Variants in NRXN3 observed in about 807,000 individuals in gnomAD.
NRXN3 encodes neurexin III.
NRXN3 carries 32 observed loss-of-function variants against 137.6 expected under a neutral mutation model. The observed-to-expected ratio is 0.23, with a 90% CI of 0.18 to 0.31. The LOEUF is 0.31. Among genes scored for constraint, NRXN3 ranks in the 10% least tolerant of loss-of-function variants. The probability of loss-of-function intolerance (pLI) is 1.00; values close to 1 mark genes in which losing one functional copy is unlikely to be tolerated. For synonymous variants in NRXN3, 798 were observed against 784.5 expected (o/e 1.02, Z -0.29); for missense variants, 1,574 against 2,062.5 (o/e 0.76, Z 4.59).
intron 16 of NRXN3, among the ~76,000 whole-genome samples, chr14:79,547,794 G>A (rs1010470741): frequency 6.6e-6 from 1 of 152,178 alleles, no homozygotes; most frequent in Non-Finnish European, 1.5e-5. Context: ...ACAGAGACAT[G>A]TATTCAACAC....
intron 19 of NRXN3, among the ~76,000 whole-genome samples, chr14:79,791,500 A>G (rs1424448958): frequency 7.0e-6 from 1 of 142,422 alleles, no homozygotes; most frequent in Non-Finnish European, 1.5e-5. Flanking sequence ...AATTAATTAT[A>G]TATTGTAATT....
At chr14:79,454,804 A>T (rs553158319) in intron 15 of NRXN3, among the ~76,000 whole-genome samples, 1 of 152,190 alleles carries the variant, frequency 6.6e-6, no homozygotes, top group African/African-American at 2.4e-5. Flanking sequence ...CTTAAAAAAA[A>T]TCCTGAGTAA....
At chr14:79,319,447 G>T (rs1397230241) in intron 15 of NRXN3, among the ~76,000 whole-genome samples, 1 of 152,186 alleles carries the variant, frequency 6.6e-6, no homozygotes, top group Non-Finnish European at 1.5e-5. Context: ...GAAAAGCTCA[G>T]GCTCTTGGAG....
At chr14:78,552,169 A>G (rs367681851) in intron 4 of NRXN3, among the ~76,000 whole-genome samples, 33 of 152,352 alleles carry the variant, frequency 2.2e-4, no homozygotes, top group African/African-American at 7.2e-4. Flanking sequence ...GCTGTGTGCT[A>G]TTAAAACTTC....
At chr14:79,358,891 T>A (rs889873561) in intron 15 of NRXN3, among the ~76,000 whole-genome samples, 3 of 152,202 alleles carry the variant, frequency 2.0e-5, no homozygotes, top group African/African-American at 7.2e-5. Flanking sequence ...AAAAATTATG[T>A]TGTTAATTTC....
At chr14:78,368,647 A>T (rs941347866) in intron 4 of NRXN3, among the ~76,000 whole-genome samples, 9 of 152,206 alleles carry the variant, frequency 5.9e-5, no homozygotes, top group African/African-American at 2.2e-4. Context: ...GTGAGCTGAG[A>T]TCACACCATT....
chr14:78,991,259 A>G (rs2099518261), intron 15 of NRXN3, among the ~76,000 whole-genome samples: 2 of 152,264 alleles, frequency 1.3e-5, no homozygotes, highest in Admixed American at 1.3e-4. Context: ...CATGCCTGCC[A>G]CAAGTGGCCT....
intron 19 of NRXN3, among the ~76,000 whole-genome samples, chr14:79,704,863 G>T (rs1280100061): frequency 6.6e-6 from 1 of 152,174 alleles, no homozygotes; most frequent in African/African-American, 2.4e-5. Flanking sequence ...AACAACAACA[G>T]AAAAGGGAGC....
chr14:79,358,603 GAAAGAGAA>G (rs1299583014), intron 15 of NRXN3, among the ~76,000 whole-genome samples: 109 of 87,072 alleles, frequency 1.3e-3, no homozygotes, highest in African/African-American at 3.6e-3. Context: ...AAGAAAGAAA[GAAAGAGAA>G]AGAAAGAAAG....
chr14:79,476,871 A>G (rs1438838290), intron 16 of NRXN3, among the ~76,000 whole-genome samples: 1 of 152,134 alleles, frequency 6.6e-6, no homozygotes, highest in African/African-American at 2.4e-5. Flanking sequence ...GGGCTTTCAA[A>G]TGCAATTCTG....
intron 8 of NRXN3, among the ~76,000 whole-genome samples, chr14:78,770,605 A>G (rs1364940656): frequency 6.6e-6 from 1 of 152,232 alleles, no homozygotes; most frequent in African/African-American, 2.4e-5. Flanking sequence ...GAAGCTTTAA[A>G]TTCTTATTTT....
chr14:78,898,985 C>T (rs1452273501), intron 10 of NRXN3, among the ~76,000 whole-genome samples: 1 of 151,972 alleles, frequency 6.6e-6, no homozygotes, highest in African/African-American at 2.4e-5. Flanking sequence ...AAAGAGCAGA[C>T]TGGCTGGTCA....
At chr14:78,383,069 T>G (rs1364398567) in intron 4 of NRXN3, among the ~76,000 whole-genome samples, 1 of 152,182 alleles carries the variant, frequency 6.6e-6, no homozygotes. Context: ...TTAATCAAAT[T>G]CCTTCCAGTA....
rs1375048175 is a variant in NRXN3 at position 79,861,196 on chromosome 14, G to T, written c.4094-146G>T. ...CCCTGTCCATGACCTCTGAGGCGGG[G>T]TTACCTTGCTTGTCGGACCAAGGCA... is the stretch of plus-strand genomic sequence containing the variant. On this transcript the variant is annotated intron_variant, in intron 20 of 20. Transcript: ENST00000335750. This position sits in a 1 kb window ranked among gnomAD's most constrained non-coding sequence, Gnocchi z 5.4. 1.3e-6 allele frequency: 2 copies of T among 1,533,710 alleles called. No individual in the cohort carries two copies.
chr14:78,297,837 C>G lies in NRXN3; in HGVS notation c.734C>G (p.Ser245Cys). The change falls in exon 4 of 21, where the codon TCC becomes TGC. Residue 245 changes from serine to cysteine, a missense_variant. Ser to Cys is a moderately radical substitution (Grantham distance 112). This residue lies in a region of NRXN3 where 400 missense variants were observed against 527.3 expected (regional missense o/e 0.76). Coordinates refer to ENST00000335750, the MANE Select transcript of NRXN3 (RefSeq NM_001330195.2). ...CCCTGTTTCTCTTCCTCAGGCCTCTCCCACCTCATGATGAGTGAACAAGGT... is the reference window on the plus strand; with the variant it reads ...CCCTGTTTCTCTTCCTCAGGCCTCTGCCACCTCATGATGAGTGAACAAGGT... ...SEDVSQDPGL[S>C]HLMMSEQARE... 1 of 1,536,126 alleles carries G rather than the reference C, an allele frequency of 6.5e-7. No homozygotes were observed.
At chr14:79,167,252 A>G (rs1353141166) in intron 15 of NRXN3, among the ~76,000 whole-genome samples, 1 of 152,060 alleles carries the variant, frequency 6.6e-6, no homozygotes, top group African/African-American at 2.4e-5. Context: ...CCCTGAAATA[A>G]AACCAATAAA....
intron 2 of NRXN3, chr14:78,250,081 T>G: frequency 1.9e-6 from 1 of 516,868 alleles, no homozygotes; most frequent in South Asian, 1.4e-5. Flanking sequence ...GCGATTATGA[T>G]TCTCATTTTT....
chr14:78,811,584 C>T (rs924213548), intron 10 of NRXN3, among the ~76,000 whole-genome samples: 1 of 152,192 alleles, frequency 6.6e-6, no homozygotes, highest in African/African-American at 2.4e-5. Context: ...AGTATCTCAT[C>T]ATCTTTAAAA....
intron 15 of NRXN3, among the ~76,000 whole-genome samples, chr14:79,215,241 G>A (rs1334073415): frequency 6.6e-6 from 1 of 152,104 alleles, no homozygotes; most frequent in African/African-American, 2.4e-5. Flanking sequence ...CCACAATATT[G>A]ATGGCCCATC....
Sources: allele counts gnomAD v4.1 joint callset (sites outside exome capture counted in the v4.1 genomes callset), GRCh38; gene constraint gnomAD v4.1.1; regional missense constraint gnomAD v4.1.1; non-coding constraint Gnocchi (gnomAD v3.1); transcripts MANE v1.5; gene names NCBI Gene and HGNC (gene_info 2026-07-23, HGNC 2026-07-21).